The following KAZN variants were observed in gnomAD, a reference collection of about 807,000 sequenced individuals.
The protein encoded by KAZN is kazrin.
A neutral mutation model predicts 87.4 loss-of-function variants in KAZN; 40 were observed. The observed-to-expected ratio is 0.46, with a 90% confidence interval of 0.36 to 0.60. The LOEUF is 0.60. Among genes scored for constraint, KAZN ranks in the 20% least tolerant of loss-of-function variants. The probability of loss-of-function intolerance (pLI) is 0.00; values close to 1 mark genes in which losing one functional copy is unlikely to be tolerated. For synonymous variants in KAZN, 466 were observed against 458.3 expected (o/e 1.02, Z -0.22); for missense variants, 898 against 1,073.9 (o/e 0.84, Z 2.29).
At position 14,118,055 on chromosome 1, in the gene KAZN, G is replaced by A. The variant is rs553219292; in HGVS notation, c.92-62380G>A. 2.2e-4 allele frequency among the ~76,000 whole-genome samples: 33 copies of A among 152,292 alleles called. No homozygotes were observed. The South Asian group carries it at 2.3e-3, about 11-fold the overall frequency. On this transcript the variant is annotated intron_variant, in intron 1 of 16. Transcript: ENST00000636203. ...TGGTCCAGGGGCTTGAGACCGGGGCGTTGCATGGGGCAGCTCTATGGTGGG... is the reference window on the plus strand; with the variant it reads ...TGGTCCAGGGGCTTGAGACCGGGGCATTGCATGGGGCAGCTCTATGGTGGG...
intron 1 of KAZN, among the ~76,000 whole-genome samples, chr1:14,846,397 A>G (rs1027367435): frequency 6.6e-5 from 10 of 152,186 alleles, no homozygotes; most frequent in Non-Finnish European, 1.5e-4. Flanking sequence ...CAAAAAAAGG[A>G]AGGGAACCAT....
At chr1:14,278,170 C>CAAAAA (rs34057998) in intron 2 of KAZN, among the ~76,000 whole-genome samples, 5 of 55,916 alleles carry the variant, frequency 8.9e-5, no homozygotes, top group Admixed American at 2.1e-4. Context: ...AACTCTGTCT[C>CAAAAA]AAAAAAAAAA....
Position 15,037,171 on chromosome 1 carries a change from G to C in KAZN, c.555+2286G>C, listed in dbSNP as rs746190424. On this transcript the variant is annotated intron_variant, in intron 3 of 14. Coordinates refer to ENST00000376030, the MANE Select transcript of KAZN (RefSeq NM_201628.3). ...GTCTTTTTTCAGTGGGCAAGGCAGG[G>C]AGAGCCTCTGCCTGACCAGCCCCAT... 3.9e-5 allele frequency among the ~76,000 whole-genome samples: 6 copies of C among 152,326 alleles called. No individual in the cohort carries two copies. The South Asian group carries it at 1.2e-3, about 32-fold the overall frequency.
intron 2 of KAZN, among the ~76,000 whole-genome samples, chr1:14,970,339 G>C (rs550017144): frequency 6.6e-6 from 1 of 152,224 alleles, no homozygotes; most frequent in South Asian, 2.1e-4. Context: ...CCTGTATCAC[G>C]TGGGCGGGGC....
intron 2 of KAZN, among the ~76,000 whole-genome samples, chr1:14,374,671 C>T (rs1660760753): frequency 6.6e-6 from 1 of 152,130 alleles, no homozygotes; most frequent in African/African-American, 2.4e-5. Context: ...AGGAGTGTGG[C>T]CTTTCTGATT....
intron 8 of KAZN, among the ~76,000 whole-genome samples, chr1:15,090,287 C>T (rs1640471685): frequency 6.6e-6 from 1 of 152,200 alleles, no homozygotes. Flanking sequence ...CCCAGAAGCA[C>T]ATAACAGAGG....
intron 2 of KAZN, among the ~76,000 whole-genome samples, chr1:14,194,935 T>C (rs1302102417): frequency 1.3e-5 from 2 of 152,278 alleles, no homozygotes; most frequent in East Asian, 3.9e-4. Context: ...CAACCCTGTT[T>C]ATCTTGTGCC....
chr1:14,889,419 A>G (rs1306032498), intron 1 of KAZN, among the ~76,000 whole-genome samples: 3 of 152,248 alleles, frequency 2.0e-5, no homozygotes, highest in Admixed American at 1.3e-4. Context: ...CATATAAAGC[A>G]TGGGTGCATC....
intron 1 of KAZN, among the ~76,000 whole-genome samples, chr1:14,834,229 T>A (rs1421911290): frequency 6.6e-6 from 1 of 151,886 alleles, no homozygotes; most frequent in Admixed American, 6.6e-5. Flanking sequence ...AGAGATGGGG[T>A]TTCACCATGT....
chr1:14,999,517 T>TCCCCCCCCCCCCC (rs1557701638), intron 2 of KAZN, among the ~76,000 whole-genome samples: 3 of 81,056 alleles, frequency 3.7e-5, no homozygotes, highest in African/African-American at 1.5e-4. Context: ...CGCCCCGCCA[T>TCCCCCCCCCCCCC]CCAGACCTTG....
intron 1 of KAZN, among the ~76,000 whole-genome samples, chr1:14,025,354 C>T (rs1222151221): frequency 1.3e-5 from 2 of 152,180 alleles, no homozygotes; most frequent in African/African-American, 2.4e-5. Context: ...GTGTCTCTGC[C>T]TCTTCGTTAT....
intron 2 of KAZN, among the ~76,000 whole-genome samples, chr1:14,357,499 C>A (rs1006939941): frequency 6.6e-6 from 1 of 152,078 alleles, no homozygotes; most frequent in Admixed American, 6.6e-5. Flanking sequence ...TTGTCTTGTG[C>A]CGGTTTTCAA....
intron 1 of KAZN, among the ~76,000 whole-genome samples, chr1:14,648,919 A>G (rs1681012107): frequency 6.6e-6 from 1 of 152,210 alleles, no homozygotes. Flanking sequence ...ACATCTTCAC[A>G]TTAAATATAG....
chr1:15,036,639 G>A (rs1192216742), intron 3 of KAZN, among the ~76,000 whole-genome samples: 1 of 152,144 alleles, frequency 6.6e-6, no homozygotes, highest in African/African-American at 2.4e-5. Flanking sequence ...GGGTGAGGCT[G>A]TCTCAGCAGC....
At chr1:15,059,557 C>T (rs554181500) in intron 5 of KAZN, among the ~76,000 whole-genome samples, 125 of 152,216 alleles carry the variant, frequency 8.2e-4, no homozygotes, top group African/African-American at 3.0e-3. Context: ...CGGGAGGCCT[C>T]ATGGTCTTCC....
At chr1:14,343,814 C>T (rs989345098) in intron 2 of KAZN, among the ~76,000 whole-genome samples, 3 of 152,142 alleles carry the variant, frequency 2.0e-5, no homozygotes, top group Admixed American at 2.0e-4. Context: ...TTAACATGAG[C>T]GGGCAGCCTC....
intron 1 of KAZN, among the ~76,000 whole-genome samples, chr1:13,988,004 C>A (rs1639099361): frequency 6.6e-6 from 1 of 152,160 alleles, no homozygotes; most frequent in Non-Finnish European, 1.5e-5. Context: ...AGAAAACTCA[C>A]AATTTCAAGC....
intron 8 of KAZN, among the ~76,000 whole-genome samples, chr1:15,092,122 G>A (rs886589835): frequency 1.1e-4 from 16 of 144,478 alleles, no homozygotes; most frequent in African/African-American, 4.2e-4. Context: ...TGTTGGCCAG[G>A]CTGGAGTGCA....
chr1:15,063,328 G>T, intron 6 of KAZN: 1 of 546,476 alleles, frequency 1.8e-6, no homozygotes, highest in Non-Finnish European at 3.3e-6. Context: ...AGATGCTGGG[G>T]GTTGAGAGGC....
Sources: allele counts gnomAD v4.1 joint callset (sites outside exome capture counted in the v4.1 genomes callset), GRCh38; gene constraint gnomAD v4.1.1; transcripts MANE v1.5; gene names NCBI Gene and HGNC (gene_info 2026-07-23, HGNC 2026-07-21).